PCDHGA10: variants seen among roughly 807,000 people sequenced by gnomAD.
PCDHGA10 encodes protocadherin gamma subfamily A, 10, also known as protocadherin gamma-A10.
Under a neutral mutation model 59.5 loss-of-function variants are expected in PCDHGA10, and 42 were observed. The ratio of observed to expected loss-of-function variants is 0.71; its 90% CI spans 0.55 to 0.91. The LOEUF is 0.91. Among genes scored for constraint, PCDHGA10 ranks in the 40% least tolerant of loss-of-function variants. The pLI is 0.00. For missense variants in PCDHGA10, 1,111 were observed against 1,198.2 expected, an observed-to-expected ratio of 0.93 and a Z score of 1.07; for synonymous variants, 511 against 517.2, an observed-to-expected ratio of 0.99 and a Z score of 0.16.
rs776854254 is a variant in PCDHGA10 at position 141,487,285 on chromosome 5, C to T, written c.2437-7522C>T. On this transcript the variant is annotated intron_variant, in intron 1 of 3. Coordinates refer to ENST00000398610, the MANE Select transcript of PCDHGA10 (RefSeq NM_018913.3). This position sits in a 1 kb window ranked among gnomAD's most constrained non-coding sequence, Gnocchi z 5.0. The stretch of plus-strand genomic sequence containing the variant: ...CCCTAGTGGCAATTTGCTTTGTCTC[C>T]TTTGGCTCATTCGTGGCACTACTCT... 8 of 1,614,148 alleles carry T rather than the reference C, an allele frequency of 5.0e-6. No homozygotes were observed. The highest frequency in any genetic ancestry group is 6.8e-6 in the Non-Finnish European group (8 of 1,180,036).
chr5:141,463,424 CT>C (rs2099058999), intron 1 of PCDHGA10, among the ~76,000 whole-genome samples: 1 of 148,698 alleles, frequency 6.7e-6, no homozygotes, highest in Non-Finnish European at 1.5e-5. Flanking sequence ...TTTGCGGATC[CT>C]CATTTCCTTC....
chr5:141,471,646 G>C (rs935284198), intron 1 of PCDHGA10: 1 of 152,108 alleles, frequency 6.6e-6, no homozygotes, highest in Non-Finnish European at 1.5e-5. Flanking sequence ...GTAATATACT[G>C]GATGTGGGGA....
intron 1 of PCDHGA10, among the ~76,000 whole-genome samples, chr5:141,460,620 C>G (rs185269852): frequency 5.6e-4 from 85 of 151,856 alleles, no homozygotes; most frequent in African/African-American, 1.9e-3. Context: ...GATAGATAGA[C>G]AGATACAGAT....
chr5:141,428,227 A>T (rs2154552643), intron 1 of PCDHGA10: 1 of 1,100,784 alleles, frequency 9.1e-7, no homozygotes, highest in Admixed American at 1.9e-5. Context: ...CTTCGCAGAC[A>T]GCCTGCAGGA....
chr5:141,421,359 C>A (rs2096566292), intron 1 of PCDHGA10: 6 of 1,614,012 alleles, frequency 3.7e-6, no homozygotes, highest in Non-Finnish European at 5.1e-6. Context: ...AAAAGGGCTC[C>A]TTCGTGGGCA....
chr5:141,440,503 G>A (rs979260104), intron 1 of PCDHGA10: 10 of 152,154 alleles, frequency 6.6e-5, no homozygotes, highest in Non-Finnish European at 1.0e-4. Flanking sequence ...ACATTAATAT[G>A]GAGATTCAGG....
In PCDHGA10 at chr5:141,432,446, C is replaced by T. The variant is rs765059815; in HGVS notation, c.2436+16835C>T. The T allele has an allele frequency of 1.2e-6, 2 of 1,614,256 alleles. No individual in the cohort carries two copies. Among genetic ancestry groups the T allele is most frequent in the Non-Finnish European group, 8.5e-7 (1 of 1,180,052 alleles). On this transcript the variant is annotated intron_variant, in intron 1 of 3. Transcript: ENST00000398610. The surrounding 1 kb of genome is among the most constrained non-coding windows in gnomAD (Gnocchi z 6.0). ...CCAGAACGACAATGCGCCCGAGATC[C>T]TGTACCCCGCCCTCCCCACGGACGG...
intron 2 of PCDHGA10, among the ~76,000 whole-genome samples, 177 bp from the exon 3 acceptor site, chr5:141,505,216 T>C (rs547855353): frequency 1.1e-4 from 17 of 152,234 alleles, no homozygotes; most frequent in Non-Finnish European, 2.9e-5. Context: ...AGGGACTGAC[T>C]TGTGGGATTC....
At chr5:141,418,337 C>G (rs1308299122) in intron 1 of PCDHGA10, 1 of 1,613,972 alleles carries the variant, frequency 6.2e-7, no homozygotes, top group East Asian at 2.2e-5. Context: ...TGCAGAAGAT[C>G]CTGATATTAG....
chr5:141,494,671 C>T, intron 1 of PCDHGA10, 136 bp from the exon 2 acceptor site: 1 of 1,532,340 alleles, frequency 6.5e-7, no homozygotes, highest in East Asian at 2.4e-5. Context: ...GAGATGAGTC[C>T]ACCCCTGCCC....
rs1374190670 is a variant in PCDHGA10 at position 141,487,196 on chromosome 5, G to C, written c.2437-7611G>C. ...GGAAGACACTCATCCAGTTGTCCCAGATCTTCGAGAATCTTCAGCTCCAAG... is the reference window on the plus strand; with the variant it reads ...GGAAGACACTCATCCAGTTGTCCCACATCTTCGAGAATCTTCAGCTCCAAG... On this transcript the variant is annotated intron_variant, in intron 1 of 3. Coordinates refer to ENST00000398610, the MANE Select transcript of PCDHGA10 (RefSeq NM_018913.3). The surrounding 1 kb of genome is among the most constrained non-coding windows in gnomAD (Gnocchi z 5.0). 6.2e-7 allele frequency: 1 copy of C among 1,613,878 alleles called. No homozygotes were observed. Among genetic ancestry groups the C allele is most frequent in the Admixed American group, 1.7e-5 (1 of 60,030 alleles).
intron 1 of PCDHGA10, among the ~76,000 whole-genome samples, chr5:141,465,592 A>G (rs1485357197): frequency 6.6e-6 from 1 of 152,046 alleles, no homozygotes; most frequent in Non-Finnish European, 1.5e-5. Flanking sequence ...TAATAATCAG[A>G]TCTTATCACT....
At position 141,431,134 on chromosome 5, in the gene PCDHGA10, C is replaced by T; in HGVS notation, c.2436+15523C>T. 1 of 1,614,212 alleles carries T rather than the reference C, an allele frequency of 6.2e-7. No homozygotes were observed. The highest frequency in any genetic ancestry group is 2.2e-5 in the East Asian group (1 of 44,890). On this transcript the variant is annotated intron_variant, in intron 1 of 3. Coordinates refer to ENST00000398610, the MANE Select transcript of PCDHGA10 (RefSeq NM_018913.3). This position sits in a 1 kb window ranked among gnomAD's most constrained non-coding sequence, Gnocchi z 4.8. ...ATGGAGTAGAAGTAGAAGTAAGGGA[C>T]ATTAACGACAATGCGCCTTACTTTC...
intron 1 of PCDHGA10, chr5:141,422,547 G>C: frequency 1.9e-6 from 3 of 1,613,938 alleles, no homozygotes; most frequent in Non-Finnish European, 2.5e-6. Context: ...CTCATGTCTG[G>C]CTGAATGTGG....
intron 1 of PCDHGA10, chr5:141,478,520 G>C (rs1474701976): frequency 1.2e-6 from 2 of 1,610,510 alleles, no homozygotes; most frequent in East Asian, 4.5e-5. Context: ...GCAGGTGTTG[G>C]GTGCAGAGAG....
intron 1 of PCDHGA10, chr5:141,426,793 A>G: frequency 2.2e-6 from 1 of 456,734 alleles, no homozygotes; most frequent in South Asian, 1.5e-5. Context: ...CAGAGTTACC[A>G]GCTCAGTTCT....
rs1472816403 is a variant in PCDHGA10 at position 141,451,473 on chromosome 5, C to T, written c.2436+35862C>T. On this transcript the variant is annotated intron_variant, in intron 1 of 3. Transcript: ENST00000398610. ...TGTTAGCTTGAGGTCTACCTCAGTTCCTTGCCATGTGGACCTCCATAGGGC... is the reference window on the plus strand; with the variant it reads ...TGTTAGCTTGAGGTCTACCTCAGTTTCTTGCCATGTGGACCTCCATAGGGC... Among the ~76,000 whole-genome samples the T allele has an allele frequency of 2.0e-5, 3 of 152,218 alleles. No homozygotes were observed. In the East Asian group the frequency reaches 5.8e-4, roughly 29 times the overall value.
chr5:141,509,155 C>G (rs981661695), intron 3 of PCDHGA10, among the ~76,000 whole-genome samples: 3 of 152,202 alleles, frequency 2.0e-5, no homozygotes, highest in Non-Finnish European at 4.4e-5. Flanking sequence ...GCTCTCCCCT[C>G]CCGTGTGCCC....
intron 1 of PCDHGA10, chr5:141,478,917 T>A: frequency 1.3e-6 from 1 of 772,666 alleles, no homozygotes; most frequent in Middle Eastern, 3.9e-4. Flanking sequence ...TGGATACCTC[T>A]AACCAGTGGC....
Sources: gnomAD v4.1 joint callset for allele counts (sites outside exome capture counted in the v4.1 genomes callset) on GRCh38, gnomAD v4.1.1 for gene constraint, Gnocchi (gnomAD v3.1) non-coding constraint, MANE v1.5 for transcripts, NCBI Gene and HGNC (gene_info 2026-07-23, HGNC 2026-07-21) for gene names.